The following IPO11 variants were observed in gnomAD, a reference collection of about 807,000 sequenced individuals.
The protein encoded by IPO11 is importin 11.
In IPO11, 66 loss-of-function variants were observed where a neutral mutation model predicts 143.2. The observed-to-expected ratio is 0.46, with a 90% CI of 0.38 to 0.57. The LOEUF is 0.57. IPO11 is among the 20% of genes least tolerant of loss of function. The pLI is 0.00. For synonymous variants in IPO11, 385 were observed against 377.8 expected (o/e 1.02, Z -0.22); for missense variants, 1,026 against 1,141.0 (o/e 0.90, Z 1.45).
At chr5:62,585,475 CA>C (rs1744738126) in intron 27 of IPO11, among the ~76,000 whole-genome samples, 2 of 152,064 alleles carry the variant, frequency 1.3e-5, no homozygotes, top group Non-Finnish European at 2.9e-5. Flanking sequence ...AAGTGTTAAT[CA>C]AAGATAGCCT....
At chr5:62,453,494 T>G (rs1045425066) in intron 5 of IPO11, among the ~76,000 whole-genome samples, 1 of 151,958 alleles carries the variant, frequency 6.6e-6, no homozygotes, top group Non-Finnish European at 1.5e-5. Context: ...TCCTAGTCTT[T>G]TTATGTTGCC....
At chr5:62,474,579 C>T in intron 8 of IPO11, 115 bp downstream of exon 8, 2 of 755,830 alleles carry the variant, frequency 2.6e-6, no homozygotes, top group Non-Finnish European at 4.4e-6. Context: ...TCATTAATAG[C>T]TTCTGTTGCA....
intron 28 of IPO11, among the ~76,000 whole-genome samples, chr5:62,598,613 C>T (rs1266022746): frequency 3.5e-5 from 5 of 141,422 alleles, no homozygotes; most frequent in Admixed American, 2.9e-4. Context: ...GGTGTGATCT[C>T]GGCTCATTGC....
At chr5:62,589,487 C>T (rs1313203313) in intron 27 of IPO11, among the ~76,000 whole-genome samples, 1 of 152,170 alleles carries the variant, frequency 6.6e-6, no homozygotes, top group Admixed American at 6.5e-5. Context: ...TCTTTCCTCC[C>T]ATTTATCTTT....
chr5:62,471,141 T>C (rs1409223423), intron 7 of IPO11, among the ~76,000 whole-genome samples: 7 of 151,730 alleles, frequency 4.6e-5, no homozygotes, highest in Non-Finnish European at 8.8e-5. Context: ...ATTTCTTTTT[T>C]TTTTTTTTAA....
intron 16 of IPO11, among the ~76,000 whole-genome samples, chr5:62,496,754 A>T (rs1043052584): frequency 6.6e-6 from 1 of 152,226 alleles, no homozygotes; most frequent in Non-Finnish European, 1.5e-5. Flanking sequence ...CACATTGTGT[A>T]TGTATGTGTA....
chr5:62,426,942 T>TTG (rs1743769260), intron 1 of IPO11, among the ~76,000 whole-genome samples: 1 of 141,704 alleles, frequency 7.1e-6, no homozygotes, highest in Non-Finnish European at 1.5e-5. Flanking sequence ...TTTTTTTTTT[T>TTG]TTTTTTTTTT....
intron 27 of IPO11, among the ~76,000 whole-genome samples, chr5:62,574,105 CA>C (rs1309811897): frequency 1.3e-5 from 2 of 152,128 alleles, no homozygotes; most frequent in Admixed American, 6.6e-5. Flanking sequence ...CAGTGACTCC[CA>C]AATCTGTGCT....
At chr5:62,483,598 G>A (rs72769134) in intron 10 of IPO11, among the ~76,000 whole-genome samples, 234 of 152,140 alleles carry the variant, frequency 1.5e-3, no homozygotes, top group Middle Eastern at 3.4e-3. Context: ...ACAAATAAAA[G>A]CTTTCTCTGA....
chr5:62,573,547 A>G (rs979019030), intron 27 of IPO11, among the ~76,000 whole-genome samples: 1 of 152,200 alleles, frequency 6.6e-6, no homozygotes, highest in Non-Finnish European at 1.5e-5. Context: ...TGATGGATGA[A>G]TTATGAGCAG....
At chr5:62,466,545 C>T (rs930473418) in intron 5 of IPO11, among the ~76,000 whole-genome samples, 4 of 152,112 alleles carry the variant, frequency 2.6e-5, no homozygotes, top group Non-Finnish European at 5.9e-5. Flanking sequence ...GAAGATGTCA[C>T]TGGAAGATGT....
intron 9 of IPO11, among the ~76,000 whole-genome samples, chr5:62,480,016 T>A (rs1015489606): frequency 2.0e-5 from 3 of 152,228 alleles, no homozygotes; most frequent in African/African-American, 7.2e-5. Flanking sequence ...TCTTTGCCCA[T>A]ACCTATGTCC....
chr5:62,601,815 A>G lies in IPO11; in HGVS notation c.2730A>G (p.Glu910=). 6 of 1,598,322 alleles carry G rather than the reference A, an allele frequency of 3.8e-6. No individual in the cohort carries two copies. The Middle Eastern group carries it at 8.3e-4, about 221-fold the overall frequency. The change falls in exon 29 of 30, where the codon GAA becomes GAG. Residue 910 remains glutamate (E), a synonymous_variant. Coordinates refer to ENST00000325324, the MANE Select transcript of IPO11 (RefSeq NM_016338.5). Reference sequence around the variant, plus strand: ...AACCAAAAGTAACAGAAGATGAAGAACCACCCACAGAACAAGATAAGAGGA... The same window carrying G: ...AACCAAAAGTAACAGAAGATGAAGAGCCACCCACAGAACAAGATAAGAGGA... ...LEEPKVTEDE[E]PPTEQDKRKK...
intron 26 of IPO11, among the ~76,000 whole-genome samples, chr5:62,557,814 G>T (rs1057369274): frequency 1.3e-5 from 2 of 152,176 alleles, no homozygotes; most frequent in Non-Finnish European, 2.9e-5. Context: ...CACTGATGAG[G>T]TTTGACTGGT....
At chr5:62,572,788 G>T (rs1017434292) in intron 27 of IPO11, among the ~76,000 whole-genome samples, 1 of 151,922 alleles carries the variant, frequency 6.6e-6, no homozygotes, top group Non-Finnish European at 1.5e-5. Flanking sequence ...TCGCCATGTT[G>T]CTCAGGCTGG....
Position 62,628,468 on chromosome 5 carries a change from C to T in IPO11, c.*1150C>T, listed in dbSNP as rs193034630. The T allele has an allele frequency of 1.1e-3, 169 of 152,618 alleles. No homozygotes were observed. The highest frequency in any genetic ancestry group is 1.4e-3 in the Non-Finnish European group (98 of 68,008). The allele number at this position is 152,618 out of a possible 1,614,324, so 9.5% of individuals were successfully genotyped here. A position where few individuals can be genotyped will look rare whatever the true frequency, so the allele number is the denominator to read the frequency against. The stretch of plus-strand genomic sequence containing the variant: ...GAAAGTTGGGTACAGTATGTAACTG[C>T]GGGAAACCCACTGCCCCTTTGTAAG... On this transcript the variant is annotated 3_prime_UTR_variant, in exon 30 of 30. Transcript: ENST00000325324.
chr5:62,621,200 G>T (rs1346340153), intron 29 of IPO11, among the ~76,000 whole-genome samples: 3 of 152,180 alleles, frequency 2.0e-5, no homozygotes, highest in African/African-American at 7.2e-5. Context: ...TTAAGTATTG[G>T]CAAAGAAGAG....
rs374377187 is a variant in IPO11, at chr5:62,501,658, T to G, written c.1591-3009T>G. On this transcript the variant is annotated intron_variant, in intron 16 of 29. Transcript: ENST00000325324. ...ACATTTCAGAAGGATGATACCAGAT[T>G]GTATAATTCAGTGTACTAATGTATA... 4.5e-4 allele frequency among the ~76,000 whole-genome samples: 68 copies of G among 152,340 alleles called. 1 individual carries two copies. In the East Asian group the frequency reaches 9.8e-3, roughly 22 times the overall value.
rs375139045 is a variant in IPO11 at position 62,526,872 on chromosome 5, A to G, written c.2012+615A>G. 4.6e-5 allele frequency: 7 copies of G among 152,232 alleles called. No homozygotes were observed. In the East Asian group the frequency reaches 7.7e-4, roughly 17 times the overall value. The allele number at this position is 152,232 out of a possible 1,614,324, so 9.4% of individuals were successfully genotyped here. On this transcript the variant is annotated intron_variant, in intron 21 of 29. Transcript: ENST00000325324. ...GACAATCTTTCAATAATACATGAAA[A>G]GTTTCAAAATCCCATTTTGTAAATT... is the stretch of plus-strand genomic sequence containing the variant.
Sources: allele counts gnomAD v4.1 joint callset (sites outside exome capture counted in the v4.1 genomes callset), GRCh38; gene constraint gnomAD v4.1.1; transcripts MANE v1.5; gene names NCBI Gene and HGNC (gene_info 2026-07-23, HGNC 2026-07-21).